Variants in WWOX observed in about 807,000 individuals in gnomAD.
WWOX encodes the protein WW domain containing oxidoreductase, also known as WW domain-containing oxidoreductase.
WWOX carries 69 observed loss-of-function variants against 46.2 expected under a neutral mutation model. That is an observed-to-expected ratio of 1.49 (90% CI 1.23 to 1.82). WWOX has a LOEUF of 1.82. WWOX is among the 40% of genes most tolerant of loss of function. The pLI, the probability that WWOX is intolerant of heterozygous loss-of-function variation, is 0.00. For missense variants in WWOX, 919 were observed against 542.6 expected (o/e 1.69, Z -6.89); for synonymous variants, 359 against 202.6 (o/e 1.77, Z -6.56).
At chr16:78,394,254 C>G (rs530706904) in intron 6 of WWOX, among the ~76,000 whole-genome samples, 39 of 152,256 alleles carry the variant, frequency 2.6e-4, no homozygotes, top group African/African-American at 8.7e-4. Context: ...TGCTTTGCTT[C>G]TCTACACAGT....
intron 8 of WWOX, among the ~76,000 whole-genome samples, chr16:78,501,836 G>A (rs1214679115): frequency 6.6e-6 from 1 of 152,154 alleles, no homozygotes; most frequent in Admixed American, 6.5e-5. Context: ...AACTAGCGAT[G>A]CCCTGGGCTA....
At chr16:78,550,737 G>C (rs7206180) in intron 8 of WWOX, 1 of 152,272 alleles carries the variant, frequency 6.6e-6, no homozygotes, top group East Asian at 1.9e-4. Flanking sequence ...ATGGGAAGGC[G>C]GGAAAGAGCT....
chr16:78,653,145 C>T (rs147867952), intron 8 of WWOX, among the ~76,000 whole-genome samples: 7 of 151,670 alleles, frequency 4.6e-5, no homozygotes, highest in African/African-American at 1.7e-4. Context: ...TATATAGGCA[C>T]ATAGATATAT....
intron 8 of WWOX, among the ~76,000 whole-genome samples, chr16:78,823,885 G>A (rs1357484774): frequency 6.6e-6 from 1 of 151,460 alleles, no homozygotes; most frequent in Admixed American, 6.6e-5. Context: ...AAGTGATCCT[G>A]CCACCTCAGC....
intron 5 of WWOX, among the ~76,000 whole-genome samples, chr16:78,242,257 CA>C (rs1218081478): frequency 2.6e-5 from 4 of 152,152 alleles, no homozygotes; most frequent in Non-Finnish European, 5.9e-5. Context: ...ATTGTTTCTG[CA>C]GCGTTTTTGA....
chr16:78,475,844 C>G (rs531516900), intron 8 of WWOX, among the ~76,000 whole-genome samples: 1 of 152,172 alleles, frequency 6.6e-6, no homozygotes, highest in Non-Finnish European at 1.5e-5. Context: ...ATCTGCCCAC[C>G]TCAACCTCCC....
chr16:78,384,252 C>T (rs918059787), intron 5 of WWOX, among the ~76,000 whole-genome samples: 3 of 152,106 alleles, frequency 2.0e-5, no homozygotes, highest in South Asian at 4.1e-4. Flanking sequence ...GATACATTCA[C>T]ATTTCTGTAA....
At chr16:78,563,779 G>A (rs1205199156) in intron 8 of WWOX, among the ~76,000 whole-genome samples, 2 of 152,086 alleles carry the variant, frequency 1.3e-5, no homozygotes, top group East Asian at 3.9e-4. Flanking sequence ...ATGGTTGATT[G>A]TAAAAATGGC....
At chr16:78,523,142 C>A in intron 8 of WWOX, among the ~76,000 whole-genome samples, 1 of 152,150 alleles carries the variant, frequency 6.6e-6, no homozygotes, top group East Asian at 1.9e-4. Flanking sequence ...CTAAATCCTT[C>A]TTTGAGCAGT....
intron 5 of WWOX, among the ~76,000 whole-genome samples, chr16:78,259,182 C>G (rs2151835076): frequency 6.6e-6 from 1 of 152,216 alleles, no homozygotes; most frequent in South Asian, 2.1e-4. Flanking sequence ...TTCAAATCAC[C>G]AAGCTCAAAT....
chr16:78,975,803 C>G (rs1319381950), intron 8 of WWOX, among the ~76,000 whole-genome samples: 2 of 152,128 alleles, frequency 1.3e-5, no homozygotes, highest in Non-Finnish European at 2.9e-5. Context: ...CTGCCAGGCC[C>G]TTGGAGGGTG....
chr16:78,766,322 C>T (rs1025813778), intron 8 of WWOX, among the ~76,000 whole-genome samples: 2 of 152,168 alleles, frequency 1.3e-5, no homozygotes, highest in South Asian at 2.1e-4. Context: ...GGAGACCGGG[C>T]ATGGTAGCAC....
intron 8 of WWOX, among the ~76,000 whole-genome samples, chr16:79,015,913 G>A (rs1456014474): frequency 1.3e-5 from 2 of 152,112 alleles, no homozygotes; most frequent in African/African-American, 2.4e-5. Context: ...ACCACTCACA[G>A]CTAATTTTAG....
chr16:78,748,190 G>C (rs1033682954), intron 8 of WWOX, among the ~76,000 whole-genome samples: 1 of 152,088 alleles, frequency 6.6e-6, no homozygotes, highest in Admixed American at 6.5e-5. Flanking sequence ...AGGTGAACAG[G>C]CACCAAAGCT....
intron 8 of WWOX, among the ~76,000 whole-genome samples, chr16:78,932,703 T>C (rs1388510995): frequency 6.6e-6 from 1 of 152,152 alleles, no homozygotes; most frequent in Non-Finnish European, 1.5e-5. Context: ...AAACAGACTA[T>C]ATCCACATCA....
intron 6 of WWOX, among the ~76,000 whole-genome samples, chr16:78,421,002 C>G (rs1197746490): frequency 6.6e-6 from 1 of 151,986 alleles, no homozygotes; most frequent in Non-Finnish European, 1.5e-5. Context: ...CATTATTTAT[C>G]CACTTCTCTG....
chr16:78,209,378 A>C (rs971341476), intron 5 of WWOX, among the ~76,000 whole-genome samples: 3 of 152,172 alleles, frequency 2.0e-5, no homozygotes, highest in Non-Finnish European at 4.4e-5. Context: ...ATCTAGCTCA[A>C]GCCAACTGTC....
At chr16:78,757,535 T>C (rs1597559374) in intron 8 of WWOX, among the ~76,000 whole-genome samples, 1 of 152,332 alleles carries the variant, frequency 6.6e-6, no homozygotes, top group African/African-American at 2.4e-5. Flanking sequence ...AGTTGGGGTT[T>C]CACCATTTAA....
intron 8 of WWOX, among the ~76,000 whole-genome samples, chr16:78,954,290 T>C (rs1347108438): frequency 6.6e-6 from 1 of 151,744 alleles, no homozygotes; most frequent in Non-Finnish European, 1.5e-5. Context: ...GAAGGATGAA[T>C]GGATGCATGG....
Sources: gnomAD v4.1 joint callset for allele counts (sites outside exome capture counted in the v4.1 genomes callset) on GRCh38, gnomAD v4.1.1 for gene constraint, MANE v1.5 for transcripts, NCBI Gene and HGNC (gene_info 2026-07-23, HGNC 2026-07-21) for gene names.